DCTN6: variants seen among roughly 807,000 people sequenced by gnomAD.
The protein encoded by DCTN6 is dynactin subunit 6.
In DCTN6, 15 loss-of-function variants were observed where a neutral mutation model predicts 25.8. The ratio of observed to expected loss-of-function variants is 0.58; its 90% CI spans 0.39 to 0.89. DCTN6 has a LOEUF of 0.89. DCTN6 is among the 40% of genes least tolerant of loss of function. The pLI is 0.00. For synonymous variants in DCTN6, 64 were observed against 78.3 expected, an observed-to-expected ratio of 0.82 and a Z score of 0.96; for missense variants, 198 against 237.6, an observed-to-expected ratio of 0.83 and a Z score of 1.09.
chr8:30,180,386 T>C (rs1388433448), intron 5 of DCTN6, 102 bp from the exon 6 acceptor site: 7 of 1,450,932 alleles, frequency 4.8e-6, no homozygotes, highest in Non-Finnish European at 6.5e-6. Flanking sequence ...AACTTTTTTC[T>C]TGAGGCCAGT....
intron 2 of DCTN6, among the ~76,000 whole-genome samples, chr8:30,172,357 G>A (rs1223879946): frequency 6.6e-6 from 1 of 152,152 alleles, no homozygotes; most frequent in Non-Finnish European, 1.5e-5. Flanking sequence ...TTCTTGGTGT[G>A]AAAGAAGTGT....
chr8:30,157,367 T>A (rs1803540150), intron 1 of DCTN6, among the ~76,000 whole-genome samples: 2 of 152,230 alleles, frequency 1.3e-5, no homozygotes, highest in South Asian at 4.1e-4. Flanking sequence ...ATTCCATACT[T>A]TGCTATTGTG....
chr8:30,182,588 A>G (rs945057779), intron 6 of DCTN6, among the ~76,000 whole-genome samples: 3 of 151,054 alleles, frequency 2.0e-5, no homozygotes, highest in African/African-American at 4.9e-5. Context: ...AACTTAGTAT[A>G]TGTTCCTTAT....
At chr8:30,161,430 T>G (rs1387286897) in intron 1 of DCTN6, among the ~76,000 whole-genome samples, 1 of 152,178 alleles carries the variant, frequency 6.6e-6, no homozygotes, top group Non-Finnish European at 1.5e-5. Context: ...CAAGTACTTC[T>G]TCATACAAGT....
chr8:30,177,384 A>C, intron 4 of DCTN6, 170 bp downstream of exon 4: 1 of 531,070 alleles, frequency 1.9e-6, no homozygotes, highest in Non-Finnish European at 3.3e-6. Flanking sequence ...TTACATTCAC[A>C]ATATATATTA....
chr8:30,180,568 C>T lies in DCTN6; in HGVS notation c.412C>T (p.Pro138Ser), dbSNP rs201889600. 2.0e-5 allele frequency: 33 copies of T among 1,613,836 alleles called. No individual in the cohort carries two copies. Among genetic ancestry groups the T allele is most frequent in the Non-Finnish European group, 2.6e-5 (31 of 1,179,988 alleles). ...CCNLNTFEVI[P>S]ENTVIYGADC... Reference sequence around the variant, plus strand: ...CAACCTAAATACATTTGAAGTCATCCCTGAGAATACGGTGATCTATGGTGC... The same window carrying T: ...CAACCTAAATACATTTGAAGTCATCTCTGAGAATACGGTGATCTATGGTGC... Residue 138 changes from proline to serine, a missense_variant, in exon 6 of 7, where the codon CCT becomes TCT. Pro to Ser is a moderately conservative substitution (Grantham distance 74). Transcript: ENST00000221114.
intron 1 of DCTN6, among the ~76,000 whole-genome samples, chr8:30,160,588 T>C (rs1207520040): frequency 2.0e-5 from 3 of 152,186 alleles, no homozygotes; most frequent in Non-Finnish European, 1.5e-5. Flanking sequence ...ATCCATGGGT[T>C]CCACATCCAT....
At chr8:30,178,470 T>TAAAAAA (rs201060800) in intron 4 of DCTN6, among the ~76,000 whole-genome samples, 2 of 79,826 alleles carry the variant, frequency 2.5e-5, no homozygotes, top group Admixed American at 1.2e-4. Flanking sequence ...TCAAAAAGAT[T>TAAAAAA]AAAAAAAAAA....
intron 1 of DCTN6, among the ~76,000 whole-genome samples, chr8:30,158,948 A>C: frequency 6.6e-6 from 1 of 151,734 alleles, no homozygotes; most frequent in Non-Finnish European, 1.5e-5. Flanking sequence ...CACCTGGCTA[A>C]TTTTTGTATT....
At chr8:30,169,985 C>CA (rs1474770989) in intron 2 of DCTN6, among the ~76,000 whole-genome samples, 4 of 152,140 alleles carry the variant, frequency 2.6e-5, no homozygotes, top group Admixed American at 6.5e-5. Flanking sequence ...CCAGCCTGGG[C>CA]AACACGGTGA....
chr8:30,172,454 ATT>A (rs35228637), intron 2 of DCTN6, among the ~76,000 whole-genome samples: 57 of 147,892 alleles, frequency 3.9e-4, no homozygotes, highest in African/African-American at 4.2e-4. Flanking sequence ...ATATTTACAA[ATT>A]TTTTTTTTTT....
At position 30,179,516 on chromosome 8, in the gene DCTN6, T is replaced by C; in HGVS notation, c.331+61T>C. 8.3e-6 allele frequency: 12 copies of C among 1,448,850 alleles called. No homozygotes were observed. In the South Asian group the frequency reaches 1.4e-4, roughly 17 times the overall value. 89.7% of individuals were successfully genotyped at this position (1,448,850 alleles called of 1,614,324 possible). A position where few individuals can be genotyped will look rare whatever the true frequency, so the allele number is the denominator to read the frequency against. On this transcript the variant is annotated intron_variant, in intron 5 of 6. Transcript: ENST00000221114. Reference sequence around the variant, plus strand: ...GACCTCTTTTCTCTTTGTGGTGTCCTGGGAAACAACCTAATAGAAACTGTG... The same window carrying C: ...GACCTCTTTTCTCTTTGTGGTGTCCCGGGAAACAACCTAATAGAAACTGTG...
chr8:30,167,306 T>A (rs1327722011), intron 2 of DCTN6, among the ~76,000 whole-genome samples: 3 of 151,858 alleles, frequency 2.0e-5, no homozygotes, highest in Non-Finnish European at 4.4e-5. Context: ...AAAAAAAAAA[T>A]TACATAAGGA....
At chr8:30,173,731 TAAAAAAAAAAAA>T (rs371782984) in intron 2 of DCTN6, among the ~76,000 whole-genome samples, 1,274 of 96,058 alleles carry the variant, frequency 0.013, 28 homozygotes, top group African/African-American at 0.043. Context: ...CCCTGTCTCT[TAAAAAAAAAAAA>T]AAAAAAAAAA....
intron 1 of DCTN6, among the ~76,000 whole-genome samples, chr8:30,158,374 A>C (rs1207649608): frequency 1.3e-5 from 2 of 152,202 alleles, no homozygotes; most frequent in Non-Finnish European, 2.9e-5. Context: ...AACAAAAAAA[A>C]CCCACTTTAA....
In DCTN6 at chr8:30,164,141, T is replaced by C. The variant is rs1340429498; in HGVS notation, c.54T>C (p.Cys18=). The change falls in exon 2 of 7, where the codon TGT becomes TGC. Residue 18 remains cysteine (C), a synonymous_variant. Coordinates refer to ENST00000221114, the MANE Select transcript of DCTN6 (RefSeq NM_006571.4). ...AGATTGCTCCTGGAGCAGTTGTATG[T>C]GTAGAAAGTGAAATCAGAGGAGATG... ...SVKIAPGAVV[C]VESEIRGDVT... The C allele has an allele frequency of 6.2e-7, 1 of 1,613,934 alleles. No individual in the cohort carries two copies. The highest frequency in any genetic ancestry group is 8.5e-7 in the Non-Finnish European group (1 of 1,179,790).
chr8:30,163,794 C>G (rs1401767346), intron 1 of DCTN6, among the ~76,000 whole-genome samples: 1 of 151,636 alleles, frequency 6.6e-6, no homozygotes, highest in Non-Finnish European at 1.5e-5. Flanking sequence ...ACTCTGTCTC[C>G]CGAGTTCAAG....
chr8:30,170,426 TAA>T (rs1237253442), intron 2 of DCTN6, among the ~76,000 whole-genome samples: 1 of 152,180 alleles, frequency 6.6e-6, no homozygotes, highest in Non-Finnish European at 1.5e-5. Flanking sequence ...AGGTGGTGTC[TAA>T]ATCACTGGTC....
At chr8:30,163,297 C>T (rs1411851920) in intron 1 of DCTN6, among the ~76,000 whole-genome samples, 1 of 146,262 alleles carries the variant, frequency 6.8e-6, no homozygotes, top group East Asian at 2.0e-4. Context: ...AACTCTGTCT[C>T]AAAAAAAAAA....
Sources: allele counts gnomAD v4.1 joint callset (sites outside exome capture counted in the v4.1 genomes callset), GRCh38; gene constraint gnomAD v4.1.1; transcripts MANE v1.5; gene names NCBI Gene and HGNC (gene_info 2026-07-23, HGNC 2026-07-21).